Variants in ERC2 observed in about 807,000 individuals in gnomAD.
The protein encoded by ERC2 is ERC protein 2.
ERC2 carries 42 observed loss-of-function variants against 114.8 expected under a neutral mutation model. That is an observed-to-expected ratio of 0.37 (90% CI 0.29 to 0.47). The LOEUF (loss-of-function observed/expected upper bound fraction) is 0.47. Ranked by LOEUF, ERC2 falls within the 20% of genes least tolerant of loss-of-function variation. ERC2 has a pLI of 0.99. For synonymous variants in ERC2, 454 were observed against 425.5 expected (o/e 1.07, Z -0.82); for missense variants, 939 against 1,150.7 (o/e 0.82, Z 2.66).
chr3:56,310,644 T>C (rs1398013271), intron 2 of ERC2, among the ~76,000 whole-genome samples: 2 of 152,162 alleles, frequency 1.3e-5, no homozygotes, highest in Non-Finnish European at 2.9e-5. Flanking sequence ...ATTTTCCCCA[T>C]GTACCCTCCC....
In ERC2 at chr3:55,800,823, T is replaced by C. The variant is rs115247248; in HGVS notation, c.2565-65905A>G. Among the ~76,000 whole-genome samples the C allele has an allele frequency of 3.3e-3, 499 of 152,270 alleles. 3 individuals carry two copies. The highest frequency in any genetic ancestry group is 0.011 in the African/African-American group (477 of 41,558). ...GCAGAGTTGAGCTAATAGCAGGAGA[T>C]AGATGTAGGAAGGAAAGTGGGGTCA... is the stretch of plus-strand genomic sequence containing the variant. On this transcript the variant is annotated intron_variant, in intron 14 of 17. Coordinates refer to ENST00000288221, the MANE Select transcript of ERC2 (RefSeq NM_015576.3).
At chr3:56,195,349 T>G (rs1013229253) in intron 3 of ERC2, among the ~76,000 whole-genome samples, 2 of 152,162 alleles carry the variant, frequency 1.3e-5, no homozygotes, top group Admixed American at 1.3e-4. Flanking sequence ...ATTTAAAACT[T>G]ATGAATTGTT....
At chr3:55,589,132 G>A (rs1227851835) in intron 17 of ERC2, among the ~76,000 whole-genome samples, 2 of 149,716 alleles carry the variant, frequency 1.3e-5, no homozygotes, top group Non-Finnish European at 1.5e-5. Flanking sequence ...TCATCCTAGC[G>A]CTTTGGGAGG....
In ERC2 at chr3:56,435,116, G is replaced by A. The variant is rs1559499562; in HGVS notation, c.-109C>T. The A allele has an allele frequency of 1.3e-6, 1 of 775,226 alleles. No homozygotes were observed. Among genetic ancestry groups the A allele is most frequent in the Non-Finnish European group, 2.0e-6 (1 of 496,774 alleles). 48.0% of individuals were successfully genotyped at this position (775,226 alleles called of 1,614,324 possible). A position where few individuals can be genotyped will look rare whatever the true frequency, so the allele number is the denominator to read the frequency against. ...GAATTTTCACCGCATTCTTTTCACA[G>A]TCCGTACCAGAAAATAACTCCACTC... On this transcript the variant is annotated 5_prime_UTR_variant, in exon 2 of 18. Transcript: ENST00000288221.
chr3:56,039,189 T>C (rs1426037949), intron 7 of ERC2, among the ~76,000 whole-genome samples: 2 of 152,092 alleles, frequency 1.3e-5, no homozygotes, highest in Non-Finnish European at 2.9e-5. Flanking sequence ...AACAAACCTG[T>C]ACATCCTGCA....
intron 6 of ERC2, among the ~76,000 whole-genome samples, chr3:56,095,307 G>A (rs1023956916): frequency 9.9e-5 from 15 of 151,778 alleles, no homozygotes; most frequent in African/African-American, 3.4e-4. Flanking sequence ...TTATTCATAG[G>A]GTATAGGAGC....
rs745826515 is a variant in ERC2, at chr3:55,615,342, A to G, written c.*39+68452T>C. Among the ~76,000 whole-genome samples, 34 of 152,266 alleles carry G rather than the reference A, an allele frequency of 2.2e-4. 1 individual carries two copies. Among genetic ancestry groups the G allele is most frequent in the Non-Finnish European group, 4.3e-4 (29 of 68,048 alleles). On this transcript the variant is annotated intron_variant, in intron 17 of 17. Coordinates refer to ENST00000288221, the MANE Select transcript of ERC2 (RefSeq NM_015576.3). ...CAGATTTCATGGCTTGACAGAGATT[A>G]ACAAGAAAATCATATTAGAATTACA...
chr3:56,276,253 C>A (rs2053980568), intron 3 of ERC2, among the ~76,000 whole-genome samples: 1 of 152,056 alleles, frequency 6.6e-6, no homozygotes, highest in Non-Finnish European at 1.5e-5. Flanking sequence ...CTGGATGTCA[C>A]AATAGAAAAT....
chr3:56,009,163 T>C (rs1186865377), intron 9 of ERC2, among the ~76,000 whole-genome samples: 2 of 152,196 alleles, frequency 1.3e-5, no homozygotes, highest in South Asian at 2.1e-4. Flanking sequence ...ATTAGAAGTA[T>C]ATACATTGAT....
chr3:56,267,925 A>G (rs2053427437), intron 3 of ERC2, among the ~76,000 whole-genome samples: 1 of 152,230 alleles, frequency 6.6e-6, no homozygotes, highest in Non-Finnish European at 1.5e-5. Flanking sequence ...TTTTATAGAT[A>G]TATTCCAGTA....
At chr3:55,860,230 G>C (rs941056722) in intron 14 of ERC2, among the ~76,000 whole-genome samples, 1 of 152,082 alleles carries the variant, frequency 6.6e-6, no homozygotes, top group African/African-American at 2.4e-5. Flanking sequence ...ACTTGAAAGA[G>C]GAAAGAGTCT....
chr3:56,407,831 C>T (rs1194640563), intron 2 of ERC2, among the ~76,000 whole-genome samples: 2 of 152,100 alleles, frequency 1.3e-5, no homozygotes, highest in Non-Finnish European at 2.9e-5. Context: ...AACCTGTTTC[C>T]CTGTACTCCC....
At chr3:55,777,260 C>T (rs945811533) in intron 14 of ERC2, among the ~76,000 whole-genome samples, 1 of 149,724 alleles carries the variant, frequency 6.7e-6, no homozygotes, top group African/African-American at 2.5e-5. Flanking sequence ...CATGTAGCAT[C>T]AGGTTCTGGG....
At chr3:55,769,479 T>C (rs950274055) in intron 14 of ERC2, among the ~76,000 whole-genome samples, 1 of 151,880 alleles carries the variant, frequency 6.6e-6, no homozygotes, top group Non-Finnish European at 1.5e-5. Flanking sequence ...GTAGAAAAGG[T>C]ATATACAAGC....
intron 17 of ERC2, among the ~76,000 whole-genome samples, chr3:55,661,411 T>A (rs2061130222): frequency 6.6e-6 from 1 of 152,172 alleles, no homozygotes; most frequent in African/African-American, 2.4e-5. Flanking sequence ...AATCCCTGGC[T>A]CATAGCCCCT....
At chr3:55,940,467 T>TC (rs1210980488) in intron 13 of ERC2, among the ~76,000 whole-genome samples, 1 of 151,792 alleles carries the variant, frequency 6.6e-6, no homozygotes, top group African/African-American at 2.4e-5. Context: ...GAGCCAAGAG[T>TC]CCAGCTGCAG....
chr3:55,661,542 C>G (rs1288996553), intron 17 of ERC2, among the ~76,000 whole-genome samples: 1 of 152,132 alleles, frequency 6.6e-6, no homozygotes, highest in African/African-American at 2.4e-5. Flanking sequence ...GACTTTCTTT[C>G]TCGACTTTTA....
intron 3 of ERC2, among the ~76,000 whole-genome samples, chr3:56,186,372 G>A (rs2083617844): frequency 6.7e-6 from 1 of 148,282 alleles, no homozygotes; most frequent in South Asian, 2.1e-4. Context: ...CTGCATTGAG[G>A]GGAAATAATT....
At position 56,467,311 on chromosome 3, in the gene ERC2, A is replaced by C. The variant is rs547479038; in HGVS notation, c.-141+937T>G. Among the ~76,000 whole-genome samples, 6 of 152,334 alleles carry C rather than the reference A, an allele frequency of 3.9e-5. 1 individual carries two copies. The highest frequency in any genetic ancestry group is 1.3e-4 in the Admixed American group (2 of 15,304). On this transcript the variant is annotated intron_variant, in intron 1 of 17. Transcript: ENST00000288221. ...GGTGTGGCTGTCAATCACAGAGGGA[A>C]CCGACAATTCACCGCTCGGGGAGTA... is the stretch of plus-strand genomic sequence containing the variant.
Sources: allele counts gnomAD v4.1 joint callset (sites outside exome capture counted in the v4.1 genomes callset), GRCh38; gene constraint gnomAD v4.1.1; transcripts MANE v1.5; gene names NCBI Gene and HGNC (gene_info 2026-07-23, HGNC 2026-07-21).